DEK: variants seen among roughly 807,000 people sequenced by gnomAD.
DEK encodes the protein protein DEK.
A neutral mutation model predicts 46.8 loss-of-function variants in DEK; 28 were observed. The ratio of observed to expected loss-of-function variants is 0.60; its 90% confidence interval spans 0.44 to 0.82. DEK has a LOEUF of 0.82. Among genes scored for constraint, DEK ranks in the 40% least tolerant of loss-of-function variants. The probability of loss-of-function intolerance (pLI) is 0.00; values close to 1 mark genes in which losing one functional copy is unlikely to be tolerated. For synonymous variants in DEK, 160 were observed against 144.5 expected, an observed-to-expected ratio of 1.11 and a Z score of -0.77; for missense variants, 416 against 430.6, an observed-to-expected ratio of 0.97 and a Z score of 0.30.
chr6:18,228,004 C>CT (rs1263561428), intron 9 of DEK, among the ~76,000 whole-genome samples: 1 of 152,062 alleles, frequency 6.6e-6, no homozygotes, highest in Non-Finnish European at 1.5e-5. Flanking sequence ...AAATTTCTGC[C>CT]TTTTGTCAAT....
At position 18,224,469 on chromosome 6, in the gene DEK, T is replaced by C. The variant is rs1238318257; in HGVS notation, c.*1250A>G. On this transcript the variant is annotated 3_prime_UTR_variant, in exon 11 of 11. Transcript: ENST00000652689. ...GTTTTAAAATTCAGATTTAATAAAC[T>C]GATTTAAGACAGTAAATTTGAAAGA... is the stretch of plus-strand genomic sequence containing the variant. 2 of 198,512 alleles carry C rather than the reference T, an allele frequency of 1.0e-5. No individual in the cohort carries two copies. The highest frequency in any genetic ancestry group is 6.0e-5 in the Admixed American group (1 of 16,562). 12.3% of individuals were successfully genotyped at this position (198,512 alleles called of 1,614,324 possible). A position where few individuals can be genotyped will look rare whatever the true frequency, so the allele number is the denominator to read the frequency against.
chr6:18,257,859 G>A (rs1791669009), intron 4 of DEK, 94 bp downstream of exon 4: 5 of 836,384 alleles, frequency 6.0e-6, no homozygotes, highest in Non-Finnish European at 7.4e-6. Context: ...GTCATAAAGT[G>A]TGGAAATTGA....
chr6:18,258,217 A>G, intron 3 of DEK, 87 bp downstream of exon 3: 2 of 1,213,576 alleles, frequency 1.6e-6, no homozygotes, highest in East Asian at 2.3e-5. Context: ...ATAAAACACT[A>G]CCTTGCTGAT....
At position 18,258,390 on chromosome 6, in the gene DEK, A is replaced by G; in HGVS notation, c.161T>C (p.Val54Ala). 1 of 1,611,748 alleles carries G rather than the reference A, an allele frequency of 6.2e-7. No individual in the cohort carries two copies. Among genetic ancestry groups the G allele is most frequent in the Non-Finnish European group, 8.5e-7 (1 of 1,178,636 alleles). ...TTTTTTCTTTTCCCTCTTGCCTTCCACGATGAGACTCTTTTCTAGAAATTA... is the reference window on the plus strand; with the variant it reads ...TTTTTTCTTTTCCCTCTTGCCTTCCGCGATGAGACTCTTTTCTAGAAATTA... The part of the protein sequence containing the change: ...EEEEKEKSLI[V>A]EGKREKKKVE... Residue 54 changes from valine to alanine, a missense_variant, in exon 3 of 11, where the codon GTG becomes GCG. Val to Ala is a moderately conservative substitution (Grantham distance 64, BLOSUM62 0). Coordinates refer to ENST00000652689, the MANE Select transcript of DEK (RefSeq NM_003472.4).
At chr6:18,236,338 C>T in intron 9 of DEK, 114 bp downstream of exon 9, 5 of 1,154,286 alleles carry the variant, frequency 4.3e-6, no homozygotes, top group Non-Finnish European at 4.8e-6. Flanking sequence ...TATAGTAGTT[C>T]AATAAATCTT....
intron 1 of DEK, 32 bp downstream of exon 1, chr6:18,264,353 C>T: frequency 5.7e-6 from 1 of 176,486 alleles, no homozygotes; most frequent in Non-Finnish European, 1.2e-5. Context: ...GCAGGGGCGA[C>T]CGGGCCTCCG....
intron 6 of DEK, among the ~76,000 whole-genome samples, chr6:18,251,921 A>T (rs1465568932): frequency 1.4e-5 from 2 of 146,174 alleles, no homozygotes; most frequent in Non-Finnish European, 3.0e-5. Context: ...AGCAGCCAAT[A>T]AAAAAAAAAA....
chr6:18,229,572 G>A (rs773848237), intron 9 of DEK, among the ~76,000 whole-genome samples: 19 of 152,282 alleles, frequency 1.2e-4, no homozygotes, highest in Non-Finnish European at 2.4e-4. Context: ...CGAGAACTAC[G>A]TGATGCATGC....
intron 7 of DEK, among the ~76,000 whole-genome samples, chr6:18,246,447 T>C (rs1791118343): frequency 1.3e-5 from 2 of 152,200 alleles, no homozygotes; most frequent in Non-Finnish European, 2.9e-5. Context: ...CTGCATATCA[T>C]AAAAACAGAG....
chr6:18,259,205 T>C (rs1224569370), intron 2 of DEK, among the ~76,000 whole-genome samples: 2 of 151,452 alleles, frequency 1.3e-5, no homozygotes, highest in African/African-American at 4.9e-5. Context: ...CCATCCTGGC[T>C]AACGTGGTGA....
intron 9 of DEK, among the ~76,000 whole-genome samples, chr6:18,228,944 C>A (rs1790268609): frequency 6.6e-6 from 1 of 152,082 alleles, no homozygotes. Flanking sequence ...CCACCTCTGA[C>A]AGACTGCCTC....
intron 9 of DEK, among the ~76,000 whole-genome samples, chr6:18,231,594 G>A (rs895617807): frequency 1.3e-5 from 2 of 152,130 alleles, no homozygotes; most frequent in African/African-American, 2.4e-5. Context: ...ACACCTCTAC[G>A]CAAATAAACT....
intron 4 of DEK, among the ~76,000 whole-genome samples, chr6:18,256,741 C>T (rs1276664630): frequency 1.3e-5 from 2 of 152,102 alleles, no homozygotes; most frequent in Non-Finnish European, 2.9e-5. Flanking sequence ...TTTACCACAA[C>T]CAAAAGTTAC....
intron 7 of DEK, among the ~76,000 whole-genome samples, chr6:18,238,308 A>T (rs749830985): frequency 1.5e-4 from 23 of 152,326 alleles, no homozygotes; most frequent in Non-Finnish European, 3.2e-4. Flanking sequence ...ATTAATAAAC[A>T]TGCAAGATTC....
intron 2 of DEK, among the ~76,000 whole-genome samples, chr6:18,263,519 TA>T (rs113151946): frequency 1.5e-4 from 22 of 145,716 alleles, no homozygotes; most frequent in East Asian, 2.0e-4. Context: ...CACACACAGG[TA>T]AAAAAAAAAA....
Position 18,253,225 on chromosome 6 carries a change from G to C in DEK, c.573+2506C>G, listed in dbSNP as rs1182464001. On this transcript the variant is annotated intron_variant, in intron 6 of 10. Coordinates refer to ENST00000652689, the MANE Select transcript of DEK (RefSeq NM_003472.4). Reference sequence around the variant, plus strand: ...ACCACTTTTTAAAAGAACAAATATGGCTAACTCAGACTTAGGTATTTGATA... The same window carrying C: ...ACCACTTTTTAAAAGAACAAATATGCCTAACTCAGACTTAGGTATTTGATA... Among the ~76,000 whole-genome samples, 4 of 152,126 alleles carry C rather than the reference G, an allele frequency of 2.6e-5. No homozygotes were observed. In the East Asian group the frequency reaches 7.7e-4, roughly 29 times the overall value.
At chr6:18,233,938 G>T (rs897736937) in intron 9 of DEK, among the ~76,000 whole-genome samples, 2 of 152,052 alleles carry the variant, frequency 1.3e-5, no homozygotes, top group Admixed American at 1.3e-4. Context: ...CAAAGACTTG[G>T]AACCAACCCA....
At chr6:18,254,327 T>C (rs1791513909) in intron 6 of DEK, among the ~76,000 whole-genome samples, 1 of 151,936 alleles carries the variant, frequency 6.6e-6, no homozygotes, top group African/African-American at 2.4e-5. Flanking sequence ...TGAGAATCTG[T>C]CTCAAAACAA....
Position 18,256,475 on chromosome 6 carries a change from T to C in DEK, c.358-20A>G. ...GGACACCTGAAAATGTTCCTTATTA[T>C]TAATGGTATTTATTACCCAGTAATG... On this transcript the variant is annotated intron_variant, in intron 4 of 10. Transcript: ENST00000652689. The C allele has an allele frequency of 6.3e-7, 1 of 1,585,766 alleles. No homozygotes were observed.
Sources: gnomAD v4.1 joint callset for allele counts (sites outside exome capture counted in the v4.1 genomes callset) on GRCh38, gnomAD v4.1.1 for gene constraint, MANE v1.5 for transcripts, NCBI Gene and HGNC (gene_info 2026-07-23, HGNC 2026-07-21) for gene names.